LYPD6B: variants seen among roughly 807,000 people sequenced by gnomAD.
The protein encoded by LYPD6B is ly6/PLAUR domain-containing protein 6B.
A neutral mutation model predicts 22.8 loss-of-function variants in LYPD6B; 17 were observed. The ratio of observed to expected loss-of-function variants is 0.75; its 90% CI spans 0.51 to 1.12. The LOEUF is 1.12. Ranked by LOEUF, LYPD6B falls within the 50% of genes most tolerant of loss-of-function variation. The pLI is 0.00. For missense variants in LYPD6B, 221 were observed against 258.3 expected, an observed-to-expected ratio of 0.86 and a Z score of 0.99; for synonymous variants, 106 against 91.6, an observed-to-expected ratio of 1.16 and a Z score of -0.90.
chr2:149,158,982 G>A (rs1689878831), intron 2 of LYPD6B, among the ~76,000 whole-genome samples: 1 of 152,132 alleles, frequency 6.6e-6, no homozygotes, highest in East Asian at 1.9e-4. Context: ...TAACTCAAAG[G>A]ATATGGAGTT....
chr2:149,164,511 G>A (rs1690295637), intron 3 of LYPD6B, among the ~76,000 whole-genome samples: 1 of 152,108 alleles, frequency 6.6e-6, no homozygotes, highest in Non-Finnish European at 1.5e-5. Flanking sequence ...ACACTGTTGT[G>A]CAATATCCAA....
intron 1 of LYPD6B, among the ~76,000 whole-genome samples, chr2:149,097,589 G>A (rs980380506): frequency 1.3e-5 from 2 of 152,204 alleles, no homozygotes; most frequent in African/African-American, 4.8e-5. Flanking sequence ...AGCCAGGTAG[G>A]AGTTAAATGT....
intron 1 of LYPD6B, among the ~76,000 whole-genome samples, chr2:149,116,542 C>T (rs1336586565): frequency 2.0e-5 from 3 of 152,182 alleles, no homozygotes; most frequent in Non-Finnish European, 4.4e-5. Context: ...CATTTTCTGA[C>T]ACCTATTCGA....
chr2:149,176,836 A>G (rs1240137761), intron 3 of LYPD6B, among the ~76,000 whole-genome samples: 1 of 152,208 alleles, frequency 6.6e-6, no homozygotes, highest in Non-Finnish European at 1.5e-5. Flanking sequence ...ATGCAGCCAT[A>G]TAGAATGCAT....
chr2:149,068,842 T>C (rs958047600), intron 1 of LYPD6B: 1 of 390,086 alleles, frequency 2.6e-6, no homozygotes, highest in Non-Finnish European at 5.3e-6. Context: ...AGTCAACTAC[T>C]CCAGGTTTAT....
At chr2:149,170,487 ACTGGATTGTC>A (rs61414868) in intron 3 of LYPD6B, among the ~76,000 whole-genome samples, 27,215 of 152,028 alleles carry the variant, frequency 0.18, 2,561 homozygotes, top group East Asian at 0.35. Context: ...CAAATGTGAG[ACTGGATTGTC>A]CTGGATTAAA....
intron 3 of LYPD6B, among the ~76,000 whole-genome samples, chr2:149,193,318 C>G (rs1692611232): frequency 6.6e-6 from 1 of 152,094 alleles, no homozygotes. Context: ...AAGGTACATC[C>G]AAGGTGTGGT....
intron 1 of LYPD6B, among the ~76,000 whole-genome samples, chr2:149,080,521 G>C (rs1461004795): frequency 6.6e-6 from 1 of 152,144 alleles, no homozygotes; most frequent in East Asian, 1.9e-4. Flanking sequence ...TTTCTCTCAA[G>C]TTCTCTATTC....
At chr2:149,085,571 C>T (rs978971126) in intron 1 of LYPD6B, among the ~76,000 whole-genome samples, 1 of 152,146 alleles carries the variant, frequency 6.6e-6, no homozygotes, top group Non-Finnish European at 1.5e-5. Flanking sequence ...AGAGTTGAGT[C>T]CTTTAAAGTA....
rs1458537963 is a variant in LYPD6B, at chr2:149,129,030, T to C, written c.-66-1853T>C. On this transcript the variant is annotated intron_variant, in intron 1 of 6. Coordinates refer to ENST00000409642, the MANE Select transcript of LYPD6B (RefSeq NM_177964.5). The stretch of plus-strand genomic sequence containing the variant: ...ATGAAAAATGATGAGTAACCCGTGA[T>C]TGCTTGAAATACAATGTTGAATGGG... 1.3e-5 allele frequency among the ~76,000 whole-genome samples: 2 copies of C among 152,174 alleles called. 1 individual carries two copies. Among genetic ancestry groups the C allele is most frequent in the Non-Finnish European group, 2.9e-5 (2 of 68,032 alleles).
chr2:149,165,772 T>A (rs1690378641), intron 3 of LYPD6B, among the ~76,000 whole-genome samples: 2 of 152,170 alleles, frequency 1.3e-5, no homozygotes, highest in Non-Finnish European at 2.9e-5. Context: ...GTCTGCATGT[T>A]AACCCTAATG....
intron 3 of LYPD6B, among the ~76,000 whole-genome samples, chr2:149,183,816 AATAC>A (rs1405873429): frequency 1.3e-5 from 2 of 151,632 alleles, no homozygotes; most frequent in African/African-American, 2.4e-5. Context: ...AAAAGAGGAA[AATAC>A]ATACATATAC....
intron 1 of LYPD6B, among the ~76,000 whole-genome samples, chr2:149,103,059 C>G (rs1390438020): frequency 3.3e-5 from 5 of 152,190 alleles, no homozygotes; most frequent in Non-Finnish European, 5.9e-5. Flanking sequence ...CCCAGTCCAC[C>G]TGTGGTTCAA....
chr2:149,163,425 G>T (rs2105895105), intron 3 of LYPD6B, among the ~76,000 whole-genome samples: 1 of 152,260 alleles, frequency 6.6e-6, no homozygotes, highest in East Asian at 1.9e-4. Context: ...GATAGTACAA[G>T]GTATGAAATC....
In LYPD6B at chr2:149,145,183, T is replaced by C. The variant is rs563942962; in HGVS notation, c.5+14230T>C. Among the ~76,000 whole-genome samples the C allele has an allele frequency of 9.0e-4, 137 of 152,258 alleles. 2 individuals carry two copies. The South Asian group carries it at 0.028, about 31-fold the overall frequency. On this transcript the variant is annotated intron_variant, in intron 2 of 6. Transcript: ENST00000409642. ...GATGGTGGGTTCTGACTAGAGCAGA[T>C]TCAAGCAGAGGGATTATGAGTTTCC...
chr2:149,058,966 T>C (rs1264650783), intron 1 of LYPD6B, among the ~76,000 whole-genome samples: 1 of 152,218 alleles, frequency 6.6e-6, no homozygotes, highest in East Asian at 1.9e-4. Context: ...TGCTTCGTGA[T>C]TGAGATCTGT....
chr2:149,137,199 A>G (rs1688418485), intron 2 of LYPD6B, among the ~76,000 whole-genome samples: 1 of 152,162 alleles, frequency 6.6e-6, no homozygotes, highest in Non-Finnish European at 1.5e-5. Flanking sequence ...GGGGAACTGG[A>G]TGAGTGAGGT....
chr2:149,086,216 A>G (rs1474392), intron 1 of LYPD6B, among the ~76,000 whole-genome samples: 105,674 of 152,128 alleles, frequency 0.69, 37,010 homozygotes, highest in African/African-American at 0.73. Context: ...CAGCCTATCA[A>G]CATTTGCATA....
chr2:149,125,733 C>A (rs535329410), intron 1 of LYPD6B, among the ~76,000 whole-genome samples: 1 of 152,164 alleles, frequency 6.6e-6, no homozygotes, highest in East Asian at 1.9e-4. Context: ...CTCCTTTTAC[C>A]ATCACAGTGT....
Sources: gnomAD v4.1 joint callset for allele counts (sites outside exome capture counted in the v4.1 genomes callset) on GRCh38, gnomAD v4.1.1 for gene constraint, MANE v1.5 for transcripts, NCBI Gene and HGNC (gene_info 2026-07-23, HGNC 2026-07-21) for gene names.